Variants in KMT2E observed in about 807,000 individuals in gnomAD.
The protein encoded by KMT2E is lysine methyltransferase 2E (inactive).
A neutral mutation model predicts 184.6 loss-of-function variants in KMT2E; 30 were observed. The observed-to-expected ratio is 0.16, with a 90% CI of 0.12 to 0.22. The LOEUF (loss-of-function observed/expected upper bound fraction) is 0.22. KMT2E is among the 10% of genes least tolerant of loss of function. The pLI is 1.00. For synonymous variants in KMT2E, 815 were observed against 776.5 expected (o/e 1.05, Z -0.82); for missense variants, 2,023 against 2,237.4 (o/e 0.90, Z 1.93).
rs1306539418 is a variant in KMT2E, at chr7:105,106,538, A to G, written c.2613A>G (p.Leu871=). The G allele has an allele frequency of 1.2e-6, 2 of 1,609,322 alleles. No individual in the cohort carries two copies. Among genetic ancestry groups the G allele is most frequent in the East Asian group, 2.2e-5 (1 of 44,840 alleles). The change falls in exon 20 of 27, where the codon CTA becomes CTG. Residue 871 remains leucine (L), a synonymous_variant. Coordinates refer to ENST00000311117, the MANE Select transcript of KMT2E (RefSeq NM_182931.3). ...CACCAACAGATTTAACTACACCACT[A>G]AAAAAACGAAGATTTTATCAGTTGC... ...SCSLPDLTTP[L]KKRRFYQLLD... is the part of the protein sequence containing the mutation.
Position 105,102,157 on chromosome 7 carries a change from T to G in KMT2E, c.2159T>G (p.Leu720Arg). ...EIITETEVPALNKCPTKYPKT... is the reference protein window; with the variant it reads ...EIITETEVPARNKCPTKYPKT... ...ATTACTGAAACTGAAGTTCCAGCAC[T>G]TAATAAATGTCCTACCAAGTACCCC... The change falls in exon 17 of 27, where the codon CTT becomes CGT. Residue 720 changes from leucine to arginine, a missense_variant. By Grantham distance (102) the Leu-to-Arg change is moderately radical. Around this residue, in one of 8 missense-constraint regions of KMT2E, gnomAD observed 514 missense variants for 621.8 expected, o/e 0.83. Coordinates refer to ENST00000311117, the MANE Select transcript of KMT2E (RefSeq NM_182931.3). The G allele has an allele frequency of 6.2e-7, 1 of 1,611,428 alleles. No homozygotes were observed. Among genetic ancestry groups the G allele is most frequent in the Non-Finnish European group, 8.5e-7 (1 of 1,179,022 alleles).
chr7:105,066,636 G>A, intron 5 of KMT2E, 91 bp from the exon 6 acceptor site: 1 of 976,128 alleles, frequency 1.0e-6, no homozygotes, highest in Non-Finnish European at 1.6e-6. Flanking sequence ...CAAAGTAGGT[G>A]CTTATTAAAT....
At chr7:105,107,299 T>A in intron 21 of KMT2E, 63 bp from the exon 22 acceptor site, 1 of 1,520,440 alleles carries the variant, frequency 6.6e-7, no homozygotes, top group South Asian at 1.3e-5. Context: ...ACTGGTAAAT[T>A]TTGAAATAAA....
Position 105,076,966 on chromosome 7 carries a change from T to G in KMT2E, c.772T>G (p.Ser258Ala). Reference protein sequence around the residue: ...GSRKSSRVKGSAPEIDPSSDG... With the variant: ...GSRKSSRVKGAAPEIDPSSDG... ...AAAGCTCAGTTTATGATTTTAGGGT[T>G]CAGCTCCAGAGATTGATCCTTCATC... Residue 258 changes from serine (S) to alanine (A), a missense_variant, in exon 10 of 27, where the codon TCA (serine) becomes GCA (alanine). This residue lies in a region of KMT2E where 191 missense variants were observed against 209.0 expected (regional missense o/e 0.91). Transcript: ENST00000311117. The G allele has an allele frequency of 6.2e-7, 1 of 1,609,396 alleles. No individual in the cohort carries two copies.
Position 105,077,002 on chromosome 7 carries a change from A to G in KMT2E, c.808A>G (p.Asn270Asp). 1 of 1,613,414 alleles carries G rather than the reference A, an allele frequency of 6.2e-7. No homozygotes were observed. The highest frequency in any genetic ancestry group is 8.5e-7 in the Non-Finnish European group (1 of 1,179,920). ...PEIDPSSDGSNFGWETKIKAW... is the reference protein window; with the variant it reads ...PEIDPSSDGSDFGWETKIKAW... ...GATTGATCCTTCATCTGATGGTTCAAATTTTGGATGGGAGACAAAGATCAA... is the reference window on the plus strand; with the variant it reads ...GATTGATCCTTCATCTGATGGTTCAGATTTTGGATGGGAGACAAAGATCAA... Residue 270 changes from asparagine (N) to aspartate (D), a missense_variant, in exon 10 of 27, where the codon AAT (asparagine) becomes GAT (aspartate). Physicochemically the swap from Asn to Asp is conservative, Grantham distance 23 (BLOSUM62 1). Transcript: ENST00000311117.
intron 13 of KMT2E, among the ~76,000 whole-genome samples, chr7:105,085,007 A>G (rs955755973): frequency 3.3e-5 from 5 of 151,926 alleles, no homozygotes; most frequent in South Asian, 2.1e-4. Flanking sequence ...ATAGACTACT[A>G]TCTACATGCA....
intron 15 of KMT2E, chr7:105,091,643 A>G (rs1798207959): frequency 4.7e-6 from 2 of 427,970 alleles, no homozygotes; most frequent in Non-Finnish European, 8.3e-6. Flanking sequence ...AGCTAAATGT[A>G]TCCTCTCATG....
chr7:105,032,653 C>T (rs1795474979), intron 1 of KMT2E, among the ~76,000 whole-genome samples: 1 of 152,114 alleles, frequency 6.6e-6, no homozygotes, highest in South Asian at 2.1e-4. Flanking sequence ...AGGCACATAC[C>T]ACTACCCCTG....
At chr7:105,090,688 A>T (rs1032632702) in intron 14 of KMT2E, among the ~76,000 whole-genome samples, 6 of 152,212 alleles carry the variant, frequency 3.9e-5, no homozygotes, top group African/African-American at 1.4e-4. Flanking sequence ...GAGAAAATTC[A>T]CTAAGAACAT....
Position 105,107,372 on chromosome 7 carries a change from G to C in KMT2E, c.2915G>C (p.Arg972Thr). 1 of 1,583,174 alleles carries C rather than the reference G, an allele frequency of 6.3e-7. No homozygotes were observed. Among genetic ancestry groups the C allele is most frequent in the Admixed American group, 1.9e-5 (1 of 53,244 alleles). ...RRTYSQEGYD[R>T]SSTMLTLGPF... ...TTAATTTGTAAACAGGGATATGACA[G>C]ATCTTCAACCATGTTAACATTGGGG... is the stretch of plus-strand genomic sequence containing the variant. The change falls in exon 22 of 27, where the codon AGA (arginine) becomes ACA (threonine). Residue 972 changes from arginine to threonine, a missense_variant. Coordinates refer to ENST00000311117, the MANE Select transcript of KMT2E (RefSeq NM_182931.3).
chr7:105,067,772 A>G (rs1797096431), intron 6 of KMT2E, among the ~76,000 whole-genome samples: 1 of 152,126 alleles, frequency 6.6e-6, no homozygotes, highest in African/African-American at 2.4e-5. Context: ...GGAGTTCGAG[A>G]CCAGCTTGGG....
chr7:105,072,656 C>T (rs1254751935), intron 6 of KMT2E, among the ~76,000 whole-genome samples: 1 of 152,148 alleles, frequency 6.6e-6, no homozygotes, highest in Non-Finnish European at 1.5e-5. Context: ...ATGCTCATGC[C>T]TATAATCCCA....
At chr7:105,102,396 T>G (rs1178104079) in intron 17 of KMT2E, 1 of 436,710 alleles carries the variant, frequency 2.3e-6, no homozygotes, top group African/African-American at 2.1e-5. Context: ...AAAGTTACAT[T>G]CAGTTTATCA....
rs772017840 is a variant in KMT2E, at chr7:105,078,971, T to G, written c.1248+8T>G. On this transcript the variant is annotated splice_region_variant and intron_variant, in intron 12 of 26. Coordinates refer to ENST00000311117, the MANE Select transcript of KMT2E (RefSeq NM_182931.3). ...TGTACACCCAATGCAGAGGTAAGCT[T>G]ATAGAAATTTTTTGGGGAGATGTGG... 1 of 1,542,164 alleles carries G rather than the reference T, an allele frequency of 6.5e-7. No individual in the cohort carries two copies. The highest frequency in any genetic ancestry group is 9.0e-7 in the Non-Finnish European group (1 of 1,115,480).
chr7:105,098,251 T>TTA (rs1258865500), intron 15 of KMT2E, among the ~76,000 whole-genome samples: 8 of 142,232 alleles, frequency 5.6e-5, no homozygotes, highest in African/African-American at 2.2e-4. Context: ...TTTTTTTTTT[T>TTA]AGATAAAGAC....
rs577704023 is a variant in KMT2E at position 105,062,081 on chromosome 7, T to C, written c.72-83T>C. The C allele has an allele frequency of 1.4e-5, 12 of 871,128 alleles. No individual in the cohort carries two copies. The African/African-American group carries it at 1.8e-4, about 13-fold the overall frequency. The allele number at this position is 871,128 out of a possible 1,614,324, so 54.0% of individuals were successfully genotyped here. A position where few individuals can be genotyped will look rare whatever the true frequency, so the allele number is the denominator to read the frequency against. On this transcript the variant is annotated intron_variant, in intron 3 of 26. Coordinates refer to ENST00000311117, the MANE Select transcript of KMT2E (RefSeq NM_182931.3). ...TATTTGTATAGCCATTATTTTGCTG[T>C]AAGTACTTTATCATTTTAATTAAAT...
At chr7:105,047,382 C>T (rs1562889783) in intron 3 of KMT2E, among the ~76,000 whole-genome samples, 1 of 152,208 alleles carries the variant, frequency 6.6e-6, no homozygotes, top group Non-Finnish European at 1.5e-5. Context: ...CAGCCAAGGG[C>T]CACCCTTGTA....
Position 105,109,238 on chromosome 7 carries a change from T to C in KMT2E, c.3755+10T>C, listed in dbSNP as rs751774345. 3.8e-5 allele frequency: 62 copies of C among 1,611,898 alleles called. No homozygotes were observed. Among genetic ancestry groups the C allele is most frequent in the African/African-American group, 2.3e-4 (17 of 74,888 alleles). ...AACCAGAAGTTCAATGGTAAGCCCATTGTGAAGTATGCTACTCTGGAAAAA... is the reference window on the plus strand; with the variant it reads ...AACCAGAAGTTCAATGGTAAGCCCACTGTGAAGTATGCTACTCTGGAAAAA... On this transcript the variant is annotated intron_variant, in intron 23 of 26. Coordinates refer to ENST00000311117, the MANE Select transcript of KMT2E (RefSeq NM_182931.3).
intron 1 of KMT2E, among the ~76,000 whole-genome samples, chr7:105,018,427 G>A (rs2129563821): frequency 6.6e-6 from 1 of 152,230 alleles, no homozygotes; most frequent in African/African-American, 2.4e-5. Flanking sequence ...GATGGTAGGT[G>A]CTTAATTATT....
Sources: gnomAD v4.1 joint callset for allele counts (sites outside exome capture counted in the v4.1 genomes callset) on GRCh38, gnomAD v4.1.1 for gene constraint, gnomAD v4.1.1 regional missense constraint, MANE v1.5 for transcripts, NCBI Gene and HGNC (gene_info 2026-07-23, HGNC 2026-07-21) for gene names.